Variants in PLPPR1 observed in about 807,000 individuals in gnomAD.
PLPPR1 encodes phospholipid phosphatase-related protein type 1.
A neutral mutation model predicts 33.1 loss-of-function variants in PLPPR1; 10 were observed. That is an observed-to-expected ratio of 0.30 (90% CI 0.19 to 0.51). The LOEUF (loss-of-function observed/expected upper bound fraction) is 0.51. Ranked by LOEUF, PLPPR1 falls within the 20% of genes least tolerant of loss-of-function variation. The pLI is 0.97. For synonymous variants in PLPPR1, 151 were observed against 151.0 expected, an observed-to-expected ratio of 1.00 and a Z score of 0.00; for missense variants, 304 against 408.1, an observed-to-expected ratio of 0.74 and a Z score of 2.20.
At chr9:101,156,804 A>G (rs1050490719) in intron 1 of PLPPR1, among the ~76,000 whole-genome samples, 2 of 152,172 alleles carry the variant, frequency 1.3e-5, no homozygotes, top group African/African-American at 4.8e-5. Context: ...TGGAGGAAAT[A>G]GCTTGAGTTC....
intron 1 of PLPPR1, among the ~76,000 whole-genome samples, chr9:101,176,234 T>C (rs1445638482): frequency 2.0e-5 from 3 of 152,126 alleles, no homozygotes; most frequent in Admixed American, 1.3e-4. Flanking sequence ...ACTAGAAAGA[T>C]TGAATTAAGT....
intron 1 of PLPPR1, among the ~76,000 whole-genome samples, chr9:101,030,350 A>C (rs1467779131): frequency 1.3e-5 from 2 of 150,936 alleles, no homozygotes; most frequent in African/African-American, 2.4e-5. Context: ...GACGTACACT[A>C]CAGCCTTCAC....
chr9:101,190,817 C>A (rs1197529413), intron 2 of PLPPR1, among the ~76,000 whole-genome samples: 1 of 152,076 alleles, frequency 6.6e-6, no homozygotes, highest in African/African-American at 2.4e-5. Context: ...GGAGAGAGAA[C>A]AAAGTTTGTA....
chr9:101,294,100 T>A (rs953467012), intron 4 of PLPPR1, among the ~76,000 whole-genome samples: 8 of 151,900 alleles, frequency 5.3e-5, no homozygotes, highest in African/African-American at 1.9e-4. Context: ...ATAGATGCAA[T>A]AAAAAATGAT....
intron 6 of PLPPR1, among the ~76,000 whole-genome samples, chr9:101,315,429 T>C (rs1487425065): frequency 6.6e-6 from 1 of 152,176 alleles, no homozygotes; most frequent in Non-Finnish European, 1.5e-5. Context: ...GGAAGAGCCA[T>C]TCTGACTGTT....
chr9:101,177,804 G>A (rs1826040202), intron 1 of PLPPR1, among the ~76,000 whole-genome samples: 1 of 151,874 alleles, frequency 6.6e-6, no homozygotes, highest in Non-Finnish European at 1.5e-5. Context: ...TTTCTATTAA[G>A]TTGTTAGTCT....
intron 2 of PLPPR1, among the ~76,000 whole-genome samples, chr9:101,259,398 C>G (rs1358037124): frequency 6.6e-6 from 1 of 152,088 alleles, no homozygotes; most frequent in Non-Finnish European, 1.5e-5. Context: ...CTGGATTTAC[C>G]TAGAATAGCT....
intron 1 of PLPPR1, among the ~76,000 whole-genome samples, chr9:101,123,964 C>T (rs1831210124): frequency 6.6e-6 from 1 of 152,154 alleles, no homozygotes. Flanking sequence ...TTATGTCAGA[C>T]ATGCAAGCCC....
intron 1 of PLPPR1, among the ~76,000 whole-genome samples, chr9:101,092,583 T>C (rs542824307): frequency 6.6e-6 from 1 of 152,280 alleles, no homozygotes; most frequent in East Asian, 1.9e-4. Context: ...CCTTTCAGCA[T>C]TTCCAGGGGC....
intron 2 of PLPPR1, among the ~76,000 whole-genome samples, chr9:101,252,161 G>A (rs1827724559): frequency 3.3e-5 from 5 of 152,062 alleles, no homozygotes; most frequent in African/African-American, 1.2e-4. Flanking sequence ...ATTTAAAAGT[G>A]AAATAAAAAA....
At position 101,160,380 on chromosome 9, in the gene PLPPR1, C is replaced by G. The variant is rs368732985; in HGVS notation, c.-45-25070C>G. Among the ~76,000 whole-genome samples the G allele has an allele frequency of 3.9e-5, 6 of 152,244 alleles. No homozygotes were observed. The South Asian group carries it at 6.2e-4, about 16-fold the overall frequency. On this transcript the variant is annotated intron_variant, in intron 1 of 7. Transcript: ENST00000374874. ...CATGAAGACATTGATGTAACTCTGC[C>G]TGGCAGATGATGTAAAGTGCCCATT...
intron 5 of PLPPR1, among the ~76,000 whole-genome samples, chr9:101,310,398 G>T (rs898573062): frequency 4.6e-5 from 7 of 152,226 alleles, no homozygotes; most frequent in Non-Finnish European, 7.4e-5. Context: ...GACTAGTCTG[G>T]TAATTCTCAA....
intron 1 of PLPPR1, among the ~76,000 whole-genome samples, chr9:101,175,690 G>A (rs1027773314): frequency 6.6e-6 from 1 of 152,166 alleles, no homozygotes; most frequent in Non-Finnish European, 1.5e-5. Flanking sequence ...TTAAGAATAA[G>A]TGAATGAATA....
At chr9:101,308,080 C>T (rs1009024860) in intron 4 of PLPPR1, among the ~76,000 whole-genome samples, 2 of 152,110 alleles carry the variant, frequency 1.3e-5, no homozygotes, top group African/African-American at 4.8e-5. Context: ...GTTTTCAGAC[C>T]AACAGCAAAA....
chr9:101,142,594 C>T (rs967344834), intron 1 of PLPPR1, among the ~76,000 whole-genome samples: 3 of 152,168 alleles, frequency 2.0e-5, no homozygotes, highest in African/African-American at 7.2e-5. Flanking sequence ...CTTCTACATT[C>T]CCTATTTAAC....
intron 1 of PLPPR1, among the ~76,000 whole-genome samples, chr9:101,119,954 A>G (rs888576047): frequency 1.6e-4 from 25 of 152,228 alleles, no homozygotes; most frequent in Non-Finnish European, 1.5e-5. Context: ...TGGCTACTCA[A>G]CAGCCTCACT....
chr9:101,090,190 A>T (rs1830725219), intron 1 of PLPPR1, among the ~76,000 whole-genome samples: 1 of 152,120 alleles, frequency 6.6e-6, no homozygotes, highest in African/African-American at 2.4e-5. Flanking sequence ...CATGAGCCCT[A>T]GTAGATTAGA....
In PLPPR1 at chr9:101,187,235, CA is replaced by C. The variant is rs372368448; in HGVS notation, c.63+1679del. Reference sequence around the variant, plus strand: ...TCCATCATCATCTTTATCCTCCCTGCAGCAATTTTATTTTATATTTTCTTAA... The same window carrying C: ...TCCATCATCATCTTTATCCTCCCTGCGCAATTTTATTTTATATTTTCTTAA... On this transcript the variant is annotated intron_variant, in intron 2 of 7. Coordinates refer to ENST00000374874, the MANE Select transcript of PLPPR1 (RefSeq NM_207299.2). 31 of 151,990 alleles carry C rather than the reference CA, an allele frequency of 2.0e-4. No homozygotes were observed. The East Asian group carries it at 5.6e-3, about 27-fold the overall frequency. The allele number at this position is 151,990 out of a possible 1,614,324, so 9.4% of individuals were successfully genotyped here. A position where few individuals can be genotyped will look rare whatever the true frequency, so the allele number is the denominator to read the frequency against.
chr9:101,069,225 C>T (rs933400920), intron 1 of PLPPR1, among the ~76,000 whole-genome samples: 8 of 151,822 alleles, frequency 5.3e-5, no homozygotes, highest in African/African-American at 1.9e-4. Flanking sequence ...CTGGGCGTAA[C>T]CACCTTTTTA....
Sources: gnomAD v4.1 joint callset for allele counts (sites outside exome capture counted in the v4.1 genomes callset) on GRCh38, gnomAD v4.1.1 for gene constraint, MANE v1.5 for transcripts, NCBI Gene and HGNC (gene_info 2026-07-23, HGNC 2026-07-21) for gene names.